The following CLSTN2 variants were observed in gnomAD, a reference collection of about 807,000 sequenced individuals.
CLSTN2 encodes calsyntenin 2.
A neutral mutation model predicts 101.2 loss-of-function variants in CLSTN2; 48 were observed. That is an observed-to-expected ratio of 0.47 (90% CI 0.38 to 0.60). CLSTN2 has a LOEUF of 0.60. CLSTN2 is among the 20% of genes least tolerant of loss of function. The pLI, the probability that CLSTN2 is intolerant of heterozygous loss-of-function variation, is 0.00. For missense variants in CLSTN2, 1,160 were observed against 1,238.2 expected (o/e 0.94, Z 0.95); for synonymous variants, 481 against 463.6 (o/e 1.04, Z -0.48).
At chr3:140,157,760 T>C (rs1235143986) in intron 1 of CLSTN2, among the ~76,000 whole-genome samples, 1 of 152,216 alleles carries the variant, frequency 6.6e-6, no homozygotes, top group Admixed American at 6.5e-5. Flanking sequence ...TAGTTATTTA[T>C]TTTCTTCTAC....
chr3:140,038,593 C>T (rs575059715), intron 1 of CLSTN2, among the ~76,000 whole-genome samples: 8 of 151,960 alleles, frequency 5.3e-5, no homozygotes, highest in South Asian at 4.2e-4. Context: ...TTGCTTTTGG[C>T]GTTTTTGTCA....
At chr3:140,513,583 C>CTTTTTTT (rs55778787) in intron 8 of CLSTN2, among the ~76,000 whole-genome samples, 272 of 117,632 alleles carry the variant, frequency 2.3e-3, no homozygotes, top group Middle Eastern at 5.2e-3. Flanking sequence ...TTTTTTCTTT[C>CTTTTTTT]TTTTTTTTTT....
At chr3:140,085,459 A>T (rs372159007) in intron 1 of CLSTN2, among the ~76,000 whole-genome samples, 2 of 152,284 alleles carry the variant, frequency 1.3e-5, no homozygotes, top group East Asian at 3.9e-4. Flanking sequence ...TTCTGCTCAC[A>T]GTCTTACCCT....
chr3:140,403,506 A>G lies in CLSTN2; in HGVS notation c.233-123A>G, dbSNP rs574272572. 6.5e-5 allele frequency: 53 copies of G among 821,404 alleles called. No homozygotes were observed. In the African/African-American group the frequency reaches 8.0e-4, roughly 12 times the overall value. 50.9% of individuals were successfully genotyped at this position (821,404 alleles called of 1,614,324 possible). ...TGCTGATGCTGCTGGCTCGTGGACCACACTATGTGCGTGGAAGAAATTGCA... is the reference window on the plus strand; with the variant it reads ...TGCTGATGCTGCTGGCTCGTGGACCGCACTATGTGCGTGGAAGAAATTGCA... On this transcript the variant is annotated intron_variant, in intron 2 of 16. Transcript: ENST00000458420.
chr3:140,141,784 C>T (rs571692785), intron 1 of CLSTN2, among the ~76,000 whole-genome samples: 23 of 152,306 alleles, frequency 1.5e-4, no homozygotes, highest in African/African-American at 5.5e-4. Context: ...TGCCCATGGT[C>T]TTTGCCTTGT....
At chr3:140,540,460 C>A (rs930264183) in intron 9 of CLSTN2, among the ~76,000 whole-genome samples, 1 of 152,208 alleles carries the variant, frequency 6.6e-6, no homozygotes, top group Non-Finnish European at 1.5e-5. Context: ...TTCACTTAGT[C>A]TTTGCATTCC....
intron 8 of CLSTN2, among the ~76,000 whole-genome samples, chr3:140,502,313 G>A (rs1277155318): frequency 6.6e-6 from 1 of 152,196 alleles, no homozygotes; most frequent in Admixed American, 6.5e-5. Context: ...TTGTGGGGCT[G>A]AGCAGTGAAG....
At position 140,138,664 on chromosome 3, in the gene CLSTN2, G is replaced by T. The variant is rs562623568; in HGVS notation, c.110-37287G>T. ...CATGGACACTCCCTTACTGGGTTTT[G>T]CTTTGAGCTATTTTTCATGCCTGAG... On this transcript the variant is annotated intron_variant, in intron 1 of 16. Transcript: ENST00000458420. 2.0e-5 allele frequency among the ~76,000 whole-genome samples: 3 copies of T among 152,294 alleles called. No homozygotes were observed. The South Asian group carries it at 6.2e-4, about 32-fold the overall frequency.
intron 8 of CLSTN2, among the ~76,000 whole-genome samples, chr3:140,478,333 GAAA>G (rs58667320): frequency 0.023 from 2,604 of 112,572 alleles, 81 homozygotes; most frequent in African/African-American, 0.069. Flanking sequence ...AAAACATCCA[GAAA>G]AAAAAAAAAA....
chr3:139,969,506 G>C (rs1038971059), intron 1 of CLSTN2, among the ~76,000 whole-genome samples: 1 of 152,104 alleles, frequency 6.6e-6, no homozygotes, highest in Admixed American at 6.6e-5. Flanking sequence ...GAGTCTTCAG[G>C]GTCTTCTTGT....
intron 2 of CLSTN2, among the ~76,000 whole-genome samples, chr3:140,264,772 T>C (rs2086681894): frequency 6.6e-6 from 1 of 152,058 alleles, no homozygotes; most frequent in Admixed American, 6.6e-5. Flanking sequence ...TCAGGGGTTT[T>C]TAGGACAGCT....
chr3:140,248,899 G>A (rs1296426401), intron 2 of CLSTN2, among the ~76,000 whole-genome samples: 1 of 152,162 alleles, frequency 6.6e-6, no homozygotes, highest in Non-Finnish European at 1.5e-5. Context: ...CTCTCATTGG[G>A]CTTCCATTTA....
chr3:140,531,007 A>G (rs550298146), intron 8 of CLSTN2, among the ~76,000 whole-genome samples: 36 of 152,318 alleles, frequency 2.4e-4, no homozygotes, highest in Non-Finnish European at 2.2e-4. Context: ...CTACTAGTCT[A>G]TCAGCCCTGC....
intron 2 of CLSTN2, among the ~76,000 whole-genome samples, chr3:140,329,739 T>A (rs1163938659): frequency 1.3e-5 from 2 of 152,204 alleles, no homozygotes; most frequent in Non-Finnish European, 2.9e-5. Context: ...ATTCATGGCA[T>A]GGCCCCAGCA....
chr3:140,434,142 C>G (rs78849276), intron 5 of CLSTN2, among the ~76,000 whole-genome samples: 2,418 of 152,304 alleles, frequency 0.016, 55 homozygotes, highest in African/African-American at 0.055. Flanking sequence ...CTCCCTGCCA[C>G]AGTTGTCCTC....
chr3:140,493,572 CA>C (rs1419541254), intron 8 of CLSTN2, among the ~76,000 whole-genome samples: 2 of 152,306 alleles, frequency 1.3e-5, no homozygotes, highest in East Asian at 3.9e-4. Context: ...TGTGGGCCGT[CA>C]CCAAGAAATA....
chr3:140,511,333 G>A (rs1004474559), intron 8 of CLSTN2, among the ~76,000 whole-genome samples: 1 of 152,020 alleles, frequency 6.6e-6, no homozygotes, highest in African/African-American at 2.4e-5. Context: ...GAACGTACAC[G>A]TGCTTGTATC....
intron 1 of CLSTN2, among the ~76,000 whole-genome samples, chr3:140,072,325 C>A (rs2008411430): frequency 1.3e-5 from 2 of 152,162 alleles, no homozygotes; most frequent in African/African-American, 4.8e-5. Context: ...TATGTTGAAT[C>A]TAATGATTTT....
At chr3:140,351,586 A>C (rs1181598641) in intron 2 of CLSTN2, among the ~76,000 whole-genome samples, 2 of 152,212 alleles carry the variant, frequency 1.3e-5, no homozygotes, top group African/African-American at 4.8e-5. Flanking sequence ...TCTGTGGGCC[A>C]AAAGGTCTCT....
Sources: gnomAD v4.1 joint callset for allele counts (sites outside exome capture counted in the v4.1 genomes callset) on GRCh38, gnomAD v4.1.1 for gene constraint, MANE v1.5 for transcripts, NCBI Gene and HGNC (gene_info 2026-07-23, HGNC 2026-07-21) for gene names.